SNX18: variants seen among roughly 807,000 people sequenced by gnomAD.
The protein encoded by SNX18 is sorting nexin 18.
SNX18 carries 35 observed loss-of-function variants against 48.7 expected under a neutral mutation model. That is an observed-to-expected ratio of 0.72 (90% confidence interval 0.55 to 0.95). The LOEUF is 0.95. Among genes scored for constraint, SNX18 ranks in the 40% least tolerant of loss-of-function variants. The pLI, the probability that SNX18 is intolerant of heterozygous loss-of-function variation, is 0.00. For missense variants in SNX18, 824 were observed against 871.0 expected, an observed-to-expected ratio of 0.95 and a Z score of 0.68; for synonymous variants, 492 against 384.7, an observed-to-expected ratio of 1.28 and a Z score of -3.26.
chr5:54,522,469 A>G, intron 1 of SNX18, among the ~76,000 whole-genome samples: 1 of 152,226 alleles, frequency 6.6e-6, no homozygotes. Context: ...AAGTTTCTCC[A>G]GCAAATTATT....
At chr5:54,590,305 G>C in the SNX18 span, among the ~76,000 whole-genome samples, 1 of 152,216 alleles carries the variant, frequency 6.6e-6, no homozygotes, top group Non-Finnish European at 1.5e-5. Context: ...CCAGCAGAGG[G>C]TGTTTGATTT....
At chr5:54,628,216 AT>A in the SNX18 span, among the ~76,000 whole-genome samples, 1 of 152,210 alleles carries the variant, frequency 6.6e-6, no homozygotes, top group Non-Finnish European at 1.5e-5. Flanking sequence ...GCAGTTAATG[AT>A]TAGCTAAGCC....
the SNX18 span, among the ~76,000 whole-genome samples, chr5:54,592,428 A>G: frequency 2.0e-5 from 3 of 152,214 alleles, no homozygotes; most frequent in Non-Finnish European, 2.9e-5. Context: ...TTGTGGACAC[A>G]TGGCTTCCCT....
At chr5:54,601,678 C>T in the SNX18 span, among the ~76,000 whole-genome samples, 119 of 152,182 alleles carry the variant, frequency 7.8e-4, no homozygotes, top group Admixed American at 3.5e-3. Flanking sequence ...AAGTTCCACC[C>T]GAGGTTATCG....
the SNX18 span, among the ~76,000 whole-genome samples, chr5:54,595,349 C>A: frequency 2.6e-5 from 4 of 152,170 alleles, no homozygotes; most frequent in Non-Finnish European, 5.9e-5. Flanking sequence ...GATTCTCCTG[C>A]CTCAGCCTCC....
At position 54,524,421 on chromosome 5, in the gene SNX18, A is replaced by C. The variant is rs532373288; in HGVS notation, c.1621+4848A>C. ...CTCCCAGTAACTCAGGGAGCCTATGAGGTTTCCTTGTTCAGCAATGTTGTC... is the reference window on the plus strand; with the variant it reads ...CTCCCAGTAACTCAGGGAGCCTATGCGGTTTCCTTGTTCAGCAATGTTGTC... On this transcript the variant is annotated intron_variant, in intron 1 of 1. Transcript: ENST00000381410. Among the ~76,000 whole-genome samples the C allele has an allele frequency of 3.7e-4, 57 of 152,278 alleles. No individual in the cohort carries two copies. In the South Asian group the frequency reaches 0.012, roughly 31 times the overall value.
the SNX18 span, among the ~76,000 whole-genome samples, chr5:54,620,505 C>G: frequency 2.0e-5 from 3 of 152,194 alleles, no homozygotes; most frequent in Non-Finnish European, 4.4e-5. Flanking sequence ...AGCCAGAAGG[C>G]AGAGAGTATT....
chr5:54,544,989 A>T lies in SNX18; in HGVS notation c.*1557A>T, dbSNP rs1463236500. On this transcript the variant is annotated 3_prime_UTR_variant, in exon 2 of 2. Coordinates refer to ENST00000381410, the MANE Select transcript of SNX18 (RefSeq NM_001102575.2). ...TGAGTCACAAAGATTAAAGAAAAGG[A>T]TCAGTTTGCAGATACTCAGAAAAGG... The T allele has an allele frequency of 6.6e-6, 1 of 152,184 alleles. No homozygotes were observed. Among genetic ancestry groups the T allele is most frequent in the Non-Finnish European group, 1.5e-5 (1 of 68,032 alleles). The allele number at this position is 152,184 out of a possible 1,614,324, so 9.4% of individuals were successfully genotyped here. A position where few individuals can be genotyped will look rare whatever the true frequency, so the allele number is the denominator to read the frequency against.
At position 54,518,467 on chromosome 5, in the gene SNX18, G is replaced by A; in HGVS notation, c.515G>A (p.Gly172Asp). 2 of 1,570,812 alleles carry A rather than the reference G, an allele frequency of 1.3e-6. No homozygotes were observed. The highest frequency in any genetic ancestry group is 1.7e-6 in the Non-Finnish European group (2 of 1,158,702). The change falls in exon 1 of 2, where the codon GGC (glycine) becomes GAC (aspartate). Residue 172 changes from glycine to aspartate, a missense_variant. Transcript: ENST00000381410. ...GTGGCGGACGAGCCGGGCGCTCTGG[G>A]CAGCGGAGCATACCCGGACCTCGAC... ...STVADEPGAL[G>D]SGAYPDLDGS...
At chr5:54,547,113 T>A (rs1438864274), downstream of SNX18, among the ~76,000 whole-genome samples, 1 of 152,260 alleles carries the variant, frequency 6.6e-6, no homozygotes, top group Non-Finnish European at 1.5e-5. Flanking sequence ...CCTGCCTTTC[T>A]TAGCATCTTG....
rs537792292 is a variant in SNX18 at position 54,524,348 on chromosome 5, G to A, written c.1621+4775G>A. Among the ~76,000 whole-genome samples, 4 of 152,218 alleles carry A rather than the reference G, an allele frequency of 2.6e-5. No homozygotes were observed. The East Asian group carries it at 7.7e-4, about 29-fold the overall frequency. On this transcript the variant is annotated intron_variant, in intron 1 of 1. Coordinates refer to ENST00000381410, the MANE Select transcript of SNX18 (RefSeq NM_001102575.2). ...GCCACATAGCCTTCAGAGTCATGCC[G>A]ACCACAGTGGGACCGAAGGGAGGCA...
the SNX18 span, among the ~76,000 whole-genome samples, chr5:54,592,620 C>T: frequency 1.3e-5 from 2 of 152,330 alleles, no homozygotes; most frequent in African/African-American, 4.8e-5. Flanking sequence ...CTGTCTCCCA[C>T]AATTGGCTTG....
chr5:54,541,917 A>G (rs985297579), intron 1 of SNX18, among the ~76,000 whole-genome samples: 2 of 152,150 alleles, frequency 1.3e-5, no homozygotes, highest in Non-Finnish European at 2.9e-5. Context: ...ATATTTCACT[A>G]TTGGGCAAAA....
downstream of SNX18, among the ~76,000 whole-genome samples, chr5:54,549,232 C>T (rs899469810): frequency 6.6e-6 from 1 of 152,172 alleles, no homozygotes; most frequent in African/African-American, 2.4e-5. Context: ...TAAAGACCCT[C>T]TGTGGTTATG....
chr5:54,614,600 A>G, the SNX18 span, among the ~76,000 whole-genome samples: 1 of 152,116 alleles, frequency 6.6e-6, no homozygotes, highest in South Asian at 2.1e-4. Flanking sequence ...TGAGCTCAAG[A>G]GTTCAAGATC....
the SNX18 span, among the ~76,000 whole-genome samples, chr5:54,604,093 C>T: frequency 6.6e-6 from 1 of 152,202 alleles, no homozygotes; most frequent in Non-Finnish European, 1.5e-5. Context: ...GGTCCCTGCT[C>T]TCGTGAAGGT....
the SNX18 span, among the ~76,000 whole-genome samples, chr5:54,636,471 CCTCAT>C: frequency 2.0e-5 from 3 of 151,708 alleles, no homozygotes; most frequent in Non-Finnish European, 2.9e-5. Flanking sequence ...GGAAACATCA[CCTCAT>C]CTCTTCTGTT....
the SNX18 span, among the ~76,000 whole-genome samples, chr5:54,619,807 A>G: frequency 4.6e-5 from 7 of 151,890 alleles, no homozygotes; most frequent in Non-Finnish European, 1.5e-5. Context: ...AGCAGGAGGG[A>G]AGAGAAAAAA....
the SNX18 span, among the ~76,000 whole-genome samples, chr5:54,588,306 C>CTTTTTTTTTTTTTTTTTTTTTTTTTT: frequency 3.5e-4 from 26 of 73,910 alleles, 1 homozygote; most frequent in Non-Finnish European, 5.2e-4. Context: ...TATTTCTATT[C>CTTTTTTTTTTTTTTTTTTTTTTTTTT]TTTTTTTTTT....
Sources: allele counts gnomAD v4.1 joint callset (sites outside exome capture counted in the v4.1 genomes callset), GRCh38; gene constraint gnomAD v4.1.1; transcripts MANE v1.5; gene names NCBI Gene and HGNC (gene_info 2026-07-23, HGNC 2026-07-21).